SHANK2: variants seen among roughly 807,000 people sequenced by gnomAD.
The protein encoded by SHANK2 is SH3 and multiple ankyrin repeat domains protein 2.
SHANK2 carries 43 observed loss-of-function variants against 133.7 expected under a neutral mutation model. The observed-to-expected ratio is 0.32, with a 90% CI of 0.25 to 0.41. SHANK2 has a LOEUF of 0.41. SHANK2 is among the 10% of genes least tolerant of loss of function. SHANK2 has a pLI of 1.00. For missense variants in SHANK2, 1,994 were observed against 2,235.8 expected (o/e 0.89, Z 2.18); for synonymous variants, 1,017 against 952.8 (o/e 1.07, Z -1.24).
At chr11:70,792,496 C>T (rs1411953984) in intron 14 of SHANK2, among the ~76,000 whole-genome samples, 1 of 152,260 alleles carries the variant, frequency 6.6e-6, no homozygotes, top group Non-Finnish European at 1.5e-5. Flanking sequence ...CCTCCAGCAA[C>T]TGTCATGAGG....
At chr11:70,540,564 A>G (rs1273850386) in intron 17 of SHANK2, among the ~76,000 whole-genome samples, 1 of 152,022 alleles carries the variant, frequency 6.6e-6, no homozygotes, top group Non-Finnish European at 1.5e-5. Flanking sequence ...ACGGGGGGTG[A>G]GCTGACTCCA....
chr11:71,073,142 C>CTTTTTTTTTTTTTTTT (rs1951165821), intron 9 of SHANK2, among the ~76,000 whole-genome samples: 5 of 41,130 alleles, frequency 1.2e-4, no homozygotes, highest in African/African-American at 1.8e-4. Flanking sequence ...TTTTCTTTTT[C>CTTTTTTTTTTTTTTTT]TTTTCTTTTT....
rs540584029 is a variant in SHANK2, at chr11:71,096,540, T to C, written c.593-1852A>G. On this transcript the variant is annotated intron_variant, in intron 6 of 25. Transcript: ENST00000601538. The stretch of plus-strand genomic sequence containing the variant: ...CGAGGGCATCTGGGGAGTTTATTCC[T>C]TGGAGCATAAAGGCCACCATGGGAG... 2.6e-5 allele frequency among the ~76,000 whole-genome samples: 4 copies of C among 152,238 alleles called. No homozygotes were observed. In the East Asian group the frequency reaches 7.7e-4, roughly 29 times the overall value.
intron 14 of SHANK2, among the ~76,000 whole-genome samples, chr11:70,752,783 C>A (rs1946782489): frequency 6.6e-6 from 1 of 151,704 alleles, no homozygotes; most frequent in East Asian, 1.9e-4. Context: ...ATACCTAATG[C>A]CAGCATAAAC....
intron 9 of SHANK2, among the ~76,000 whole-genome samples, chr11:71,071,183 G>C (rs1413637707): frequency 1.3e-5 from 2 of 152,188 alleles, no homozygotes; most frequent in African/African-American, 2.4e-5. Flanking sequence ...AGCAGATGTT[G>C]GTGCAGATGT....
intron 14 of SHANK2, among the ~76,000 whole-genome samples, chr11:70,759,921 G>A (rs1174195914): frequency 6.6e-6 from 1 of 152,216 alleles, no homozygotes; most frequent in Non-Finnish European, 1.5e-5. Context: ...GCCAAAGACT[G>A]AGGCATGGGA....
At chr11:70,764,478 C>T (rs1469174675) in intron 14 of SHANK2, among the ~76,000 whole-genome samples, 2 of 149,354 alleles carry the variant, frequency 1.3e-5, no homozygotes, top group African/African-American at 2.5e-5. Context: ...ACACATCAAT[C>T]GATCCTTTAT....
chr11:71,238,321 C>T (rs1355647251), intron 1 of SHANK2, among the ~76,000 whole-genome samples: 2 of 152,222 alleles, frequency 1.3e-5, no homozygotes, highest in Non-Finnish European at 2.9e-5. Context: ...GCAAACATCA[C>T]CACTAATGAC....
intron 11 of SHANK2, among the ~76,000 whole-genome samples, chr11:70,870,666 G>C (rs1470838414): frequency 2.0e-5 from 3 of 152,190 alleles, no homozygotes; most frequent in African/African-American, 7.2e-5. Context: ...GTGGCCTGTA[G>C]GCAATCTTTG....
rs569538880 is a variant in SHANK2 at position 70,612,688 on chromosome 11, C to T, written c.2061+47140G>A. ...CCTGCAGAGGCACCCGGGGTCTGCG[C>T]GTGCAATTCCCGCGCTCTATCTAGC... On this transcript the variant is annotated intron_variant, in intron 17 of 25. Coordinates refer to ENST00000601538, the MANE Select transcript of SHANK2 (RefSeq NM_012309.5). 4.1e-4 allele frequency among the ~76,000 whole-genome samples: 62 copies of T among 152,362 alleles called. 1 individual carries two copies. The highest frequency in any genetic ancestry group is 6.8e-3 in the Middle Eastern group (2 of 294).
chr11:70,836,571 G>T (rs749764330), intron 11 of SHANK2, among the ~76,000 whole-genome samples: 1 of 152,200 alleles, frequency 6.6e-6, no homozygotes, highest in Admixed American at 6.5e-5. Flanking sequence ...GGCCCTGCCT[G>T]CCTCCATCAC....
chr11:71,059,864 G>T (rs1950967141), intron 9 of SHANK2, among the ~76,000 whole-genome samples: 1 of 152,162 alleles, frequency 6.6e-6, no homozygotes, highest in Admixed American at 6.5e-5. Flanking sequence ...TGCATGCTTG[G>T]GGGTGCACTC....
At chr11:71,233,613 A>G (rs1555123264) in intron 1 of SHANK2, among the ~76,000 whole-genome samples, 1 of 152,242 alleles carries the variant, frequency 6.6e-6, no homozygotes, top group African/African-American at 2.4e-5. Flanking sequence ...CAAAGGGTGA[A>G]TCACAATGTT....
chr11:70,663,367 C>T (rs1027474687), intron 15 of SHANK2, among the ~76,000 whole-genome samples: 6 of 152,136 alleles, frequency 3.9e-5, no homozygotes, highest in African/African-American at 1.4e-4. Flanking sequence ...ACGTGGATGA[C>T]AGGGCTCAGT....
At chr11:70,921,463 G>A (rs1394048389) in intron 10 of SHANK2, among the ~76,000 whole-genome samples, 2 of 152,236 alleles carry the variant, frequency 1.3e-5, no homozygotes, top group Admixed American at 1.3e-4. Context: ...GGCAAAAACT[G>A]CAGACCCGAA....
intron 14 of SHANK2, among the ~76,000 whole-genome samples, chr11:70,764,313 C>T (rs1947067449): frequency 6.7e-6 from 1 of 148,334 alleles, no homozygotes. Flanking sequence ...ATCCTTTATC[C>T]CTCCCTCCTC....
Position 70,649,892 on chromosome 11 carries a change from G to A in SHANK2, c.2061+9936C>T, listed in dbSNP as rs76760912. 9.8e-3 allele frequency among the ~76,000 whole-genome samples: 1,489 copies of A among 152,348 alleles called. 18 individuals carry two copies. The highest frequency in any genetic ancestry group is 0.034 in the African/African-American group (1,421 of 41,578). ...GCAAAAGAAACAAGCTTTGGAGTCA[G>A]CTTAGATTCAGACCTCCCTGGAGGG... is the stretch of plus-strand genomic sequence containing the variant. On this transcript the variant is annotated intron_variant, in intron 17 of 25. Coordinates refer to ENST00000601538, the MANE Select transcript of SHANK2 (RefSeq NM_012309.5).
chr11:70,919,577 TC>T (rs1328641230), intron 10 of SHANK2, among the ~76,000 whole-genome samples: 1 of 152,192 alleles, frequency 6.6e-6, no homozygotes, highest in East Asian at 1.9e-4. Flanking sequence ...AGTCAGAGTT[TC>T]ACCATGTTGG....
chr11:71,092,061 T>C (rs1951528247), intron 8 of SHANK2, among the ~76,000 whole-genome samples: 1 of 152,082 alleles, frequency 6.6e-6, no homozygotes, highest in South Asian at 2.1e-4. Flanking sequence ...TGCTTTCTGG[T>C]ATCCTGCCCT....
Sources: gnomAD v4.1 joint callset for allele counts (sites outside exome capture counted in the v4.1 genomes callset) on GRCh38, gnomAD v4.1.1 for gene constraint, MANE v1.5 for transcripts, NCBI Gene and HGNC (gene_info 2026-07-23, HGNC 2026-07-21) for gene names.